The following TGS1 variants were observed in gnomAD, a reference collection of about 807,000 sequenced individuals.
The protein encoded by TGS1 is trimethylguanosine synthase 1.
A neutral mutation model predicts 92.2 loss-of-function variants in TGS1; 69 were observed. That is an observed-to-expected ratio of 0.75 (90% CI 0.62 to 0.91). The LOEUF (loss-of-function observed/expected upper bound fraction) is 0.91, where lower values mean the gene tolerates loss of function less well. TGS1 is among the 40% of genes least tolerant of loss of function. The pLI is 0.00. For synonymous variants in TGS1, 345 were observed against 338.1 expected (o/e 1.02, Z -0.22); for missense variants, 1,062 against 1,001.2 (o/e 1.06, Z -0.82).
chr8:55,818,610 C>T (rs1803547507), intron 12 of TGS1, among the ~76,000 whole-genome samples: 1 of 152,202 alleles, frequency 6.6e-6, no homozygotes, highest in Admixed American at 6.5e-5. Context: ...TGTTCTTAAA[C>T]CATATATATT....
At chr8:55,812,298 C>T (rs1260066978) in intron 11 of TGS1, among the ~76,000 whole-genome samples, 2 of 151,864 alleles carry the variant, frequency 1.3e-5, no homozygotes, top group South Asian at 2.1e-4. Context: ...GAGGCCAAGG[C>T]GGGCAAATCA....
intron 1 of TGS1, among the ~76,000 whole-genome samples, chr8:55,779,668 G>T (rs906890392): frequency 1.3e-5 from 2 of 152,158 alleles, no homozygotes; most frequent in Non-Finnish European, 2.9e-5. Flanking sequence ...TAAAAGAGAA[G>T]AAAGAATATA....
At chr8:55,799,672 G>T (rs78434390) in intron 8 of TGS1, among the ~76,000 whole-genome samples, 2,011 of 152,212 alleles carry the variant, frequency 0.013, 40 homozygotes, top group African/African-American at 0.046. Context: ...TGACCCCCAG[G>T]GTTCAAGCAG....
rs1214085190 is a variant in TGS1, at chr8:55,810,887, C to CCATTGAT, written c.2151_2157dup (p.Ile720HisfsTer2). 2 of 1,613,510 alleles carry CCATTGAT rather than the reference C, an allele frequency of 1.2e-6. No homozygotes were observed. The highest frequency in any genetic ancestry group is 1.1e-5 in the South Asian group (1 of 91,062). Reference sequence around the variant, plus strand: ...TTTCTTTTCCCACTTTTAGTGATTGCCATTGATATCGATCCTGTTAAGATT... The same window carrying CCATTGAT: ...TTTCTTTTCCCACTTTTAGTGATTGCCATTGATCATTGATATCGATCCTGTTAAGATT... On this transcript the variant is annotated frameshift_variant, in exon 11 of 13. Coordinates refer to ENST00000260129, the MANE Select transcript of TGS1 (RefSeq NM_024831.8). LOFTEE classifies it high-confidence loss of function.
rs1447484567 is a variant in TGS1, at chr8:55,785,905, T to C, written c.339+14T>C. On this transcript the variant is annotated intron_variant, in intron 3 of 12. Coordinates refer to ENST00000260129, the MANE Select transcript of TGS1 (RefSeq NM_024831.8). ...AAGGATTTTGAGGTAAATATTAATT[T>C]ACTTTTATTATTTCTCTCTCTTCGT... 1.3e-6 allele frequency: 2 copies of C among 1,571,816 alleles called. No homozygotes were observed. Among genetic ancestry groups the C allele is most frequent in the Admixed American group, 3.8e-5 (2 of 52,866 alleles).
chr8:55,776,423 G>A (rs1293240936), intron 1 of TGS1, among the ~76,000 whole-genome samples: 2 of 151,800 alleles, frequency 1.3e-5, no homozygotes, highest in Non-Finnish European at 2.9e-5. Flanking sequence ...TGGGAATACA[G>A]GCGCCCGCCA....
chr8:55,786,142 T>C, intron 3 of TGS1, 96 bp from the exon 4 acceptor site: 3 of 791,724 alleles, frequency 3.8e-6, no homozygotes, highest in Non-Finnish European at 5.9e-6. Flanking sequence ...GGCTTTAGAG[T>C]ATTTTGTTTA....
chr8:55,808,030 G>T (rs530182870), intron 10 of TGS1, among the ~76,000 whole-genome samples: 46 of 152,318 alleles, frequency 3.0e-4, no homozygotes, highest in Non-Finnish European at 5.9e-4. Flanking sequence ...CTCAGTCCTT[G>T]CTCGGTCTAG....
At chr8:55,806,113 T>C (rs1399093466) in intron 10 of TGS1, among the ~76,000 whole-genome samples, 1 of 151,550 alleles carries the variant, frequency 6.6e-6, no homozygotes, top group South Asian at 2.1e-4. Flanking sequence ...CCCAGCACTT[T>C]AGGAGGCCGA....
chr8:55,823,791 A>T (rs1755561889), intron 12 of TGS1, among the ~76,000 whole-genome samples: 2 of 152,112 alleles, frequency 1.3e-5, no homozygotes, highest in African/African-American at 4.8e-5. Context: ...GGGGAGGAGG[A>T]GGAAGGAAGG....
At chr8:55,801,860 C>T (rs1812224724) in intron 8 of TGS1, among the ~76,000 whole-genome samples, 1 of 152,060 alleles carries the variant, frequency 6.6e-6, no homozygotes, top group South Asian at 2.1e-4. Flanking sequence ...CAGGTGTGAG[C>T]CACCTCGCTC....
rs1475505225 is a variant in TGS1 at position 55,786,259 on chromosome 8, A to G, written c.361A>G (p.Lys121Glu). The G allele has an allele frequency of 1.4e-6, 2 of 1,438,648 alleles. No homozygotes were observed. Among genetic ancestry groups the G allele is most frequent in the Non-Finnish European group, 1.9e-6 (2 of 1,059,336 alleles). 89.1% of individuals were successfully genotyped at this position (1,438,648 alleles called of 1,614,324 possible). A position where few individuals can be genotyped will look rare whatever the true frequency, so the allele number is the denominator to read the frequency against. Residue 121 changes from lysine to glutamate, a missense_variant, in exon 4 of 13, where the codon AAA becomes GAA. Lys to Glu is a moderately conservative substitution (Grantham distance 56). Coordinates refer to ENST00000260129, the MANE Select transcript of TGS1 (RefSeq NM_024831.8). ...DFEVSMNTRN[K>E]VKIKKKKHQK... ...ATAGGTATCTATGAATACTAGAAAT[A>G]AAGTTAAAATAAAAAAGAAAAAACA...
At chr8:55,813,397 ATAGT>A (rs780507212) in intron 12 of TGS1, among the ~76,000 whole-genome samples, 2 of 152,222 alleles carry the variant, frequency 1.3e-5, no homozygotes, top group South Asian at 2.1e-4. Flanking sequence ...CAAATGCTGC[ATAGT>A]TAAACTAGCC....
At chr8:55,820,410 C>T (rs532000026) in intron 12 of TGS1, among the ~76,000 whole-genome samples, 8 of 151,800 alleles carry the variant, frequency 5.3e-5, no homozygotes, top group African/African-American at 1.7e-4. Flanking sequence ...TAGCCAGGTG[C>T]GCCAGTAATC....
chr8:55,778,446 A>G (rs896467230), intron 1 of TGS1, among the ~76,000 whole-genome samples: 6 of 152,236 alleles, frequency 3.9e-5, no homozygotes, highest in African/African-American at 1.4e-4. Flanking sequence ...TGTTCTGTTC[A>G]GACACTTTAA....
intron 10 of TGS1, among the ~76,000 whole-genome samples, chr8:55,810,519 C>G (rs1034580902): frequency 1.8e-4 from 28 of 152,340 alleles, no homozygotes; most frequent in African/African-American, 6.5e-4. Flanking sequence ...GCATTACAGG[C>G]TGTCCATACA....
At chr8:55,824,424 C>T (rs1016462229) in intron 12 of TGS1, among the ~76,000 whole-genome samples, 157 bp from the exon 13 acceptor site, 42 of 152,108 alleles carry the variant, frequency 2.8e-4, no homozygotes, top group African/African-American at 9.9e-4. Flanking sequence ...AATATTGCAT[C>T]GATGCCTGGG....
chr8:55,813,787 A>G (rs776646816), intron 12 of TGS1, among the ~76,000 whole-genome samples: 17 of 152,072 alleles, frequency 1.1e-4, no homozygotes, highest in Admixed American at 6.5e-4. Flanking sequence ...TATATTTTCT[A>G]GTGTTTGTCG....
At chr8:55,794,907 A>G (rs1811997348) in intron 6 of TGS1, among the ~76,000 whole-genome samples, 1 of 152,250 alleles carries the variant, frequency 6.6e-6, no homozygotes, top group Admixed American at 6.5e-5. Flanking sequence ...CCTACACATT[A>G]TGAAATCAGC....
Sources: allele counts gnomAD v4.1 joint callset (sites outside exome capture counted in the v4.1 genomes callset), GRCh38; gene constraint gnomAD v4.1.1; transcripts MANE v1.5; gene names NCBI Gene and HGNC (gene_info 2026-07-23, HGNC 2026-07-21).